The following TNXB variants were observed in gnomAD, a reference collection of about 807,000 sequenced individuals.
The protein encoded by TNXB is tenascin-X.
TNXB carries 183 observed loss-of-function variants against 340.5 expected under a neutral mutation model. The ratio of observed to expected loss-of-function variants is 0.54; its 90% confidence interval spans 0.48 to 0.61. The LOEUF (loss-of-function observed/expected upper bound fraction) is 0.61, where lower values mean the gene tolerates loss of function less well. Among genes scored for constraint, TNXB ranks in the 20% least tolerant of loss-of-function variants. The pLI, the probability that TNXB is intolerant of heterozygous loss-of-function variation, is 0.00. For missense variants in TNXB, 4,613 were observed against 5,446.4 expected, an observed-to-expected ratio of 0.85 and a Z score of 4.82; for synonymous variants, 2,121 against 2,314.5, an observed-to-expected ratio of 0.92 and a Z score of 2.40.
Position 32,062,493 on chromosome 6 carries a change from A to C in TNXB, c.6842-10T>G. ...TCATCCTTTCCTGGGGCTGCATCAG[A>C]AAATAGAATGGGTGGGCATGCCTGG... is the stretch of plus-strand genomic sequence containing the variant. On this transcript the variant is annotated splice_polypyrimidine_tract_variant and intron_variant, in intron 19 of 43. Coordinates refer to ENST00000644971, the MANE Select transcript of TNXB (RefSeq NM_001365276.2). The surrounding 1 kb of genome is among the most constrained non-coding windows in gnomAD (Gnocchi z 4.3). The C allele has an allele frequency of 6.3e-7, 1 of 1,590,952 alleles. No homozygotes were observed. The highest frequency in any genetic ancestry group is 8.6e-7 in the Non-Finnish European group (1 of 1,166,528).
At position 32,043,481 on chromosome 6, in the gene TNXB, TG is replaced by T. The variant is rs760775185; in HGVS notation, c.11605del (p.Gln3869ArgfsTer65). On this transcript the variant is annotated frameshift_variant, in exon 36 of 44. Transcript: ENST00000644971. LOFTEE classifies it high-confidence loss of function. The part of the protein sequence containing the change: ...GFAVLHWKPP[Q>X]NPVDTYDVQV... ...GACGTCATAGGTGTCCACAGGATTC[TG>T]GGGGGGCTTCCAGTGCAGCACGGCG... 2.0e-5 allele frequency: 13 copies of T among 641,156 alleles called. No homozygotes were observed. The African/African-American group carries it at 2.1e-4, about 11-fold the overall frequency. 39.7% of individuals were successfully genotyped at this position (641,156 alleles called of 1,614,324 possible).
chr6:32,042,718 C>T lies in TNXB; in HGVS notation c.12039G>A (p.Val4013=). The T allele has an allele frequency of 9.7e-7, 1 of 1,032,500 alleles. No homozygotes were observed. Among genetic ancestry groups the T allele is most frequent in the South Asian group, 1.4e-5 (1 of 74,016 alleles). The allele number at this position is 1,032,500 out of a possible 1,614,324, so 64.0% of individuals were successfully genotyped here. A position where few individuals can be genotyped will look rare whatever the true frequency, so the allele number is the denominator to read the frequency against. The part of the protein sequence containing the change: ...AMWGQSLLPP[V]STSFTTGGLR... ...AGGTACCCGTGGTGAAAGAGGTGGA[C>T]ACGGGCGGCAGGAGGCTCTGGCCCC... Residue 4013 remains valine (V), a synonymous_variant, in exon 39 of 44, where the codon GTG becomes GTA. Transcript: ENST00000644971.
At chr6:32,103,032 T>C (rs1183983889) in intron 1 of TNXB, among the ~76,000 whole-genome samples, 1 of 152,196 alleles carries the variant, frequency 6.6e-6, no homozygotes, top group Non-Finnish European at 1.5e-5. Flanking sequence ...TTTCTGGAAA[T>C]ATTTTGTATC....
rs1238505766 is a variant in TNXB at position 32,061,566 on chromosome 6, G to A, written c.7323C>T (p.Phe2441=). 3.1e-6 allele frequency: 5 copies of A among 1,613,304 alleles called. No homozygotes were observed. The highest frequency in any genetic ancestry group is 4.2e-6 in the Non-Finnish European group (5 of 1,179,898). ...WTVPQGRFDS[F]TVQYKDRDGR... ...CGTCCCTGTCCTTGTACTGCACGGT[G>A]AAGGAGTCGAAGCGGCCCTGGGGGA... Residue 2441 remains phenylalanine (F), a synonymous_variant, in exon 21 of 44, where the codon TTC becomes TTT. Transcript: ENST00000644971. The surrounding 1 kb of genome is among the most constrained non-coding windows in gnomAD (Gnocchi z 4.4).
Position 32,096,512 on chromosome 6 carries a change from G to T in TNXB, c.1341C>A (p.Asn447Lys). ...RDCRGRGRCE[N>K]GVCVCNAGYS... ...AGCCCGCATTGCAAACACACACGCC[G>T]TTCTCGCAGCGCCCGCGACCTCTAC... Residue 447 changes from asparagine (N) to lysine (K), a missense_variant, in exon 3 of 44, where the codon AAC becomes AAA. By Grantham distance (94) the Asn-to-Lys change is moderately conservative (BLOSUM62 0). Around this residue, in one of 7 missense-constraint regions of TNXB, gnomAD observed 4,327 missense variants for 4,859.4 expected, o/e 0.89. Coordinates refer to ENST00000644971, the MANE Select transcript of TNXB (RefSeq NM_001365276.2). The T allele has an allele frequency of 6.3e-7, 1 of 1,598,516 alleles. No individual in the cohort carries two copies. Among genetic ancestry groups the T allele is most frequent in the Non-Finnish European group, 8.5e-7 (1 of 1,178,382 alleles).
Position 32,069,466 on chromosome 6 carries a change from T to C in TNXB, c.5587+87A>G. 1 of 1,413,542 alleles carries C rather than the reference T, an allele frequency of 7.1e-7. No homozygotes were observed. Among genetic ancestry groups the C allele is most frequent in the East Asian group, 2.4e-5 (1 of 42,380 alleles). The allele number at this position is 1,413,542 out of a possible 1,614,324, so 87.6% of individuals were successfully genotyped here. ...CTGGATCAATGGAAATGATATAAAA[T>C]GGGAAGCTCAGAGATCTTATGGCTC... is the stretch of plus-strand genomic sequence containing the variant. On this transcript the variant is annotated intron_variant, in intron 15 of 43. Coordinates refer to ENST00000644971, the MANE Select transcript of TNXB (RefSeq NM_001365276.2). The surrounding 1 kb of genome is among the most constrained non-coding windows in gnomAD (Gnocchi z 6.2).
In TNXB at chr6:32,046,605, G is replaced by A. The variant is rs1278367375; in HGVS notation, c.10325-149C>T. On this transcript the variant is annotated intron_variant, in intron 30 of 43. Transcript: ENST00000644971. The surrounding 1 kb of genome is among the most constrained non-coding windows in gnomAD (Gnocchi z 6.9). ...TGAGGAGACACACAGGCCTGCTCCC[G>A]CCATGCCCCACAGGAATGAGGGAGA... is the stretch of plus-strand genomic sequence containing the variant. 1.7e-5 allele frequency: 11 copies of A among 628,602 alleles called. No individual in the cohort carries two copies. Among genetic ancestry groups the A allele is most frequent in the South Asian group, 3.3e-5 (1 of 30,344 alleles). 38.9% of individuals were successfully genotyped at this position (628,602 alleles called of 1,614,324 possible). A position where few individuals can be genotyped will look rare whatever the true frequency, so the allele number is the denominator to read the frequency against.
chr6:32,107,375 C>A (rs1331669322), intron 1 of TNXB, among the ~76,000 whole-genome samples: 1 of 152,162 alleles, frequency 6.6e-6, no homozygotes, highest in Non-Finnish European at 1.5e-5. Context: ...ATTGACCACA[C>A]ACCCAGAGGC....
intron 4 of TNXB, among the ~76,000 whole-genome samples, chr6:32,092,702 A>G (rs994209590): frequency 1.1e-4 from 16 of 150,486 alleles, no homozygotes; most frequent in African/African-American, 3.9e-4. Context: ...AAAAAAAAAA[A>G]AAAGAAAGAA....
Position 32,095,199 on chromosome 6 carries a change from A to C in TNXB, c.2243-8T>G, listed in dbSNP as rs756252735. 6.5e-7 allele frequency: 1 copy of C among 1,548,060 alleles called. No individual in the cohort carries two copies. The highest frequency in any genetic ancestry group is 8.7e-7 in the Non-Finnish European group (1 of 1,144,970). On this transcript the variant is annotated splice_region_variant and splice_polypyrimidine_tract_variant and intron_variant, in intron 3 of 43. Transcript: ENST00000644971. Reference sequence around the variant, plus strand: ...CCTCAATGGTTGGCACCTCTGCCCAAGAGAATGGGTTAGGGAAAGCTGGTT... The same window carrying C: ...CCTCAATGGTTGGCACCTCTGCCCACGAGAATGGGTTAGGGAAAGCTGGTT...
At position 32,068,741 on chromosome 6, in the gene TNXB, G is replaced by A. The variant is rs1342105645; in HGVS notation, c.5903-34C>T. ...AGACATGGAAAGAGAGGACTGAGGT[G>A]GGCAGGGTATCCGCGGGACTCTGCT... On this transcript the variant is annotated intron_variant, in intron 16 of 43. Coordinates refer to ENST00000644971, the MANE Select transcript of TNXB (RefSeq NM_001365276.2). The surrounding 1 kb of genome is among the most constrained non-coding windows in gnomAD (Gnocchi z 5.3). 9 of 1,603,808 alleles carry A rather than the reference G, an allele frequency of 5.6e-6. No homozygotes were observed. Among genetic ancestry groups the A allele is most frequent in the South Asian group, 1.1e-5 (1 of 90,026 alleles).
rs976340379 is a variant in TNXB, at chr6:32,085,782, G to A, written c.3116C>T (p.Pro1039Leu). 6.4e-7 allele frequency: 1 copy of A among 1,573,036 alleles called. No individual in the cohort carries two copies. The highest frequency in any genetic ancestry group is 8.6e-7 in the Non-Finnish European group (1 of 1,158,862). ...SLHGVPPGGK[P>L]SDPIIYQGIM... is the part of the protein sequence containing the mutation. ...GCCTTGGTAGATGATGGGGTCAGAG[G>A]GCTTGCCCCCAGGAGGGACCCCATG... is the stretch of plus-strand genomic sequence containing the variant. The change falls in exon 7 of 44, where the codon CCC (proline) becomes CTC (leucine). Residue 1039 changes from proline (P) to leucine (L), a missense_variant. By Grantham distance (98) the Pro-to-Leu change is moderately conservative. This residue lies in a region of TNXB where 4,327 missense variants were observed against 4,859.4 expected (regional missense o/e 0.89). Coordinates refer to ENST00000644971, the MANE Select transcript of TNXB (RefSeq NM_001365276.2). The surrounding 1 kb of genome is among the most constrained non-coding windows in gnomAD (Gnocchi z 6.4).
At position 32,097,763 on chromosome 6, in the gene TNXB, C is replaced by T. The variant is rs1271320293; in HGVS notation, c.403+33G>A. On this transcript the variant is annotated intron_variant, in intron 2 of 43. Coordinates refer to ENST00000644971, the MANE Select transcript of TNXB (RefSeq NM_001365276.2). This position sits in a 1 kb window ranked among gnomAD's most constrained non-coding sequence, Gnocchi z 5.9. ...GACTAGCAATGCCCACCCCACCCCACCTCTCCACCCTCTTCTGTGATCACC... is the reference window on the plus strand; with the variant it reads ...GACTAGCAATGCCCACCCCACCCCATCTCTCCACCCTCTTCTGTGATCACC... The T allele has an allele frequency of 1.3e-6, 2 of 1,494,828 alleles. No individual in the cohort carries two copies. The highest frequency in any genetic ancestry group is 1.4e-5 in the African/African-American group (1 of 71,552). 92.6% of individuals were successfully genotyped at this position (1,494,828 alleles called of 1,614,324 possible).
chr6:32,095,747 C>T lies in TNXB; in HGVS notation c.2106G>A (p.Gln702=), dbSNP rs758861786. Residue 702 remains glutamine, a synonymous_variant, in exon 3 of 44, where the codon CAG becomes CAA. Transcript: ENST00000644971. ...CTCGGAAGCCCTCTACACACACACA[C>T]TGGCCTGCCCGGCACAGTTCCCGGG... ...CGPRELCRAG[Q]CVCVEGFRGP... The T allele has an allele frequency of 1.7e-5, 28 of 1,613,848 alleles. No individual in the cohort carries two copies. The highest frequency in any genetic ancestry group is 2.3e-5 in the Non-Finnish European group (27 of 1,179,878).
At position 32,058,138 on chromosome 6, in the gene TNXB, G is replaced by T; in HGVS notation, c.7745C>A (p.Pro2582His). The change falls in exon 22 of 44, where the codon CCT becomes CAT. Residue 2582 changes from proline to histidine, a missense_variant. Physicochemically the swap from Pro to His is moderately conservative, Grantham distance 77. Coordinates refer to ENST00000644971, the MANE Select transcript of TNXB (RefSeq NM_001365276.2). This position sits in a 1 kb window ranked among gnomAD's most constrained non-coding sequence, Gnocchi z 5.1. The stretch of plus-strand genomic sequence containing the variant: ...CAGGTGCATCTTGTACTTGCGCCCA[G>T]GCTCCAGGCCCCTCACAGTGACCTT... ...ESKVTVRGLE[P>H]GRKYKMHLYG... 1 of 1,612,734 alleles carries T rather than the reference G, an allele frequency of 6.2e-7. No individual in the cohort carries two copies. The highest frequency in any genetic ancestry group is 1.1e-5 in the South Asian group (1 of 91,048).
intron 1 of TNXB, among the ~76,000 whole-genome samples, chr6:32,100,107 CTTTTT>C (rs28892603): frequency 7.1e-6 from 1 of 141,342 alleles, no homozygotes; most frequent in Non-Finnish European, 1.6e-5. Flanking sequence ...AGCAAGATTT[CTTTTT>C]TTTTTTTTTT....
rs747658329 is a variant in TNXB, at chr6:32,070,136, C to T, written c.5269G>A (p.Gly1757Ser). ...KKRHGPLTAD[G>S]TTEARSAMDD... is the part of the protein sequence containing the mutation. The stretch of plus-strand genomic sequence containing the variant: ...AGGGAATGCCCCTCACCCGTGGTGC[C>T]GTCGGCAGTGAGAGGGCCATGGCGC... The change falls in exon 14 of 44, where the codon GGC becomes AGC. Residue 1757 changes from glycine (G) to serine (S), a missense_variant. Coordinates refer to ENST00000644971, the MANE Select transcript of TNXB (RefSeq NM_001365276.2). This position sits in a 1 kb window ranked among gnomAD's most constrained non-coding sequence, Gnocchi z 6.0. The T allele has an allele frequency of 4.7e-5, 74 of 1,574,334 alleles. No homozygotes were observed. Among genetic ancestry groups the T allele is most frequent in the East Asian group, 9.0e-5 (4 of 44,310 alleles).
chr6:32,053,083 G>T, intron 25 of TNXB, 90 bp from the exon 26 acceptor site: 1 of 1,408,288 alleles, frequency 7.1e-7, no homozygotes, highest in Non-Finnish European at 9.7e-7. Flanking sequence ...GTGGCCATGA[G>T]TGGGGGTCCT....
chr6:32,049,592 A>G lies in TNXB; in HGVS notation c.9440-5T>C. ...TGGGGCTGGGGGTCTCTTCCTCTGC[A>G]GTGGAGAAGGAGGGAGAGAGAGTGA... On this transcript the variant is annotated splice_region_variant and splice_polypyrimidine_tract_variant and intron_variant, in intron 27 of 43. Transcript: ENST00000644971. This position sits in a 1 kb window ranked among gnomAD's most constrained non-coding sequence, Gnocchi z 4.5. The G allele has an allele frequency of 6.2e-7, 1 of 1,608,882 alleles. No homozygotes were observed. Among genetic ancestry groups the G allele is most frequent in the Non-Finnish European group, 8.5e-7 (1 of 1,177,436 alleles).
Sources: gnomAD v4.1 joint callset for allele counts (sites outside exome capture counted in the v4.1 genomes callset) on GRCh38, gnomAD v4.1.1 for gene constraint, gnomAD v4.1.1 regional missense constraint, Gnocchi (gnomAD v3.1) non-coding constraint, MANE v1.5 for transcripts, NCBI Gene and HGNC (gene_info 2026-07-23, HGNC 2026-07-21) for gene names.